SMUG1: variants seen among roughly 807,000 people sequenced by gnomAD.
SMUG1 encodes the protein single-strand-selective monofunctional uracil-DNA glycosylase 1.
In SMUG1, 13 loss-of-function variants were observed where a neutral mutation model predicts 23.9. That is an observed-to-expected ratio of 0.54 (90% confidence interval 0.35 to 0.86). The LOEUF (loss-of-function observed/expected upper bound fraction) is 0.86, where lower values mean the gene tolerates loss of function less well. SMUG1 is among the 40% of genes least tolerant of loss of function. The probability of loss-of-function intolerance (pLI) is 0.01; values close to 1 mark genes in which losing one functional copy is unlikely to be tolerated. For synonymous variants in SMUG1, 133 were observed against 139.8 expected, an observed-to-expected ratio of 0.95 and a Z score of 0.34; for missense variants, 313 against 339.5, an observed-to-expected ratio of 0.92 and a Z score of 0.61.
intron 2 of SMUG1, among the ~76,000 whole-genome samples, chr12:54,174,393 T>C (rs1032643404): frequency 6.6e-6 from 1 of 152,174 alleles, no homozygotes; most frequent in Non-Finnish European, 1.5e-5. Flanking sequence ...TTACAGCAGA[T>C]AGGCTGGAGG....
intron 2 of SMUG1, among the ~76,000 whole-genome samples, chr12:54,186,103 T>C (rs1942388163): frequency 2.6e-5 from 4 of 152,092 alleles, no homozygotes; most frequent in African/African-American, 9.7e-5. Flanking sequence ...TCCAACCAAA[T>C]ACACTCCTGA....
intron 2 of SMUG1, among the ~76,000 whole-genome samples, chr12:54,173,803 C>CTT (rs1940688484): frequency 1.3e-5 from 2 of 150,786 alleles, no homozygotes; most frequent in Non-Finnish European, 3.0e-5. Flanking sequence ...AGTCTGGGCT[C>CTT]CTTCTTCTGT....
intron 3 of SMUG1, 53 bp from the exon 4 acceptor site, chr12:54,182,676 G>T: frequency 6.4e-7 from 1 of 1,554,928 alleles, no homozygotes; most frequent in Non-Finnish European, 8.7e-7. Flanking sequence ...CCTGAGGCCC[G>T]GGCTCTGGAC....
chr12:54,169,740 C>T (rs1940566620), intron 3 of SMUG1, among the ~76,000 whole-genome samples: 1 of 152,250 alleles, frequency 6.6e-6, no homozygotes, highest in Non-Finnish European at 1.5e-5. Context: ...GAGTCCTCCA[C>T]TGCTATTCTG....
downstream of SMUG1, among the ~76,000 whole-genome samples, chr12:54,161,353 G>A (rs1163446585): frequency 1.3e-5 from 2 of 152,166 alleles, no homozygotes; most frequent in African/African-American, 4.8e-5. The surrounding 1 kb of genome is among the most constrained non-coding windows in gnomAD (Gnocchi z 4.2). Context: ...AGAGAGGGAG[G>A]TACAAGGCAG....
At chr12:54,167,345 G>A (rs1353246423) in intron 3 of SMUG1, among the ~76,000 whole-genome samples, 1 of 152,144 alleles carries the variant, frequency 6.6e-6, no homozygotes, top group Non-Finnish European at 1.5e-5. Context: ...AATTACTCTA[G>A]CTCTTTCCCA....
chr12:54,179,940 T>C (rs1344491984), downstream of SMUG1, among the ~76,000 whole-genome samples: 3 of 152,208 alleles, frequency 2.0e-5, no homozygotes, highest in African/African-American at 7.2e-5. Context: ...AGAAACAGGA[T>C]ACCAATGCAC....
At chr12:54,183,378 G>GT (rs1394397753) in intron 3 of SMUG1, 2 of 562,600 alleles carry the variant, frequency 3.6e-6, no homozygotes, top group Non-Finnish European at 6.3e-6. Flanking sequence ...ATCCAGTAAA[G>GT]TAAGGATGGG....
At chr12:54,183,987 A>G in intron 2 of SMUG1, 28 bp from the exon 3 acceptor site, 1 of 1,456,488 alleles carries the variant, frequency 6.9e-7, no homozygotes, top group Non-Finnish European at 9.0e-7. Context: ...CAGAAGCCCC[A>G]TCAACCCTCA....
Position 54,182,224 on chromosome 12 carries a change from T to C in SMUG1, c.685A>G (p.Met229Val). The C allele has an allele frequency of 1.9e-6, 3 of 1,612,174 alleles. No individual in the cohort carries two copies. Among genetic ancestry groups the C allele is most frequent in the Non-Finnish European group, 2.5e-6 (3 of 1,178,672 alleles). ...AGCCCTTCCACCTGGACCTCTGGCA[T>C]CAGGCCTGCCAGAGCCCGTCGTGCC... The part of the protein sequence containing the change: ...QRARRALAGL[M>V]PEVQVEGLLH... Residue 229 changes from methionine (M) to valine (V), a missense_variant, in exon 4 of 4, where the codon ATG (methionine) becomes GTG (valine). Coordinates refer to ENST00000682136, the MANE Select transcript of SMUG1 (RefSeq NM_001243787.2).
chr12:54,185,305 CA>C (rs759445921), intron 2 of SMUG1, among the ~76,000 whole-genome samples: 69 of 137,548 alleles, frequency 5.0e-4, no homozygotes, highest in Middle Eastern at 3.9e-3. Flanking sequence ...AACTCTCTCT[CA>C]AAAAAAAAAA....
chr12:54,179,937 G>A (rs1940853173), downstream of SMUG1, among the ~76,000 whole-genome samples: 1 of 152,196 alleles, frequency 6.6e-6, no homozygotes, highest in African/African-American at 2.4e-5. Context: ...CATAGAAACA[G>A]GATACCAATG....
chr12:54,172,214 C>A, intron 2 of SMUG1: 1 of 418,966 alleles, frequency 2.4e-6, no homozygotes, highest in Non-Finnish European at 5.1e-6. Flanking sequence ...TTAGTTTCTA[C>A]GTGATGTGGC....
intron 3 of SMUG1, among the ~76,000 whole-genome samples, chr12:54,167,721 C>T (rs1437782957): frequency 6.6e-6 from 1 of 152,234 alleles, no homozygotes. Flanking sequence ...ACCCCAGCTA[C>T]TGGTCCCTTT....
downstream of SMUG1, among the ~76,000 whole-genome samples, chr12:54,176,018 G>C (rs995783980): frequency 4.6e-5 from 7 of 152,036 alleles, no homozygotes; most frequent in East Asian, 1.9e-4. Flanking sequence ...CCTGAGGTCA[G>C]GAGTTCAAGA....
At chr12:54,164,290 A>C (rs1481072864), downstream of SMUG1, 1 of 152,456 alleles carries the variant, frequency 6.6e-6, no homozygotes, top group Non-Finnish European at 1.5e-5. Flanking sequence ...GGTATAAATG[A>C]GCAGAGCCTC....
chr12:54,188,266 GAAATAATAATAATAATAATAATAATAAT>G (rs200945519), intron 1 of SMUG1, among the ~76,000 whole-genome samples: 26,051 of 101,856 alleles, frequency 0.26, 2,521 homozygotes, highest in South Asian at 0.32. Flanking sequence ...ATCCTTAAAC[GAAATAATAATAATAATAATAATAATAAT>G]AAATAATAAT....
At chr12:54,175,044 G>C (rs1427471397) in intron 2 of SMUG1, 2 of 152,208 alleles carry the variant, frequency 1.3e-5, no homozygotes, top group African/African-American at 4.8e-5. Context: ...TCACAGCTGG[G>C]AAGTTTATCC....
At position 54,181,503 on chromosome 12, in the gene SMUG1, C is replaced by A; in HGVS notation, c.*593G>T. On this transcript the variant is annotated 3_prime_UTR_variant, in exon 4 of 4. Transcript: ENST00000682136. Reference sequence around the variant, plus strand: ...TAGAGAGGTTTATTAATTTGTCAATCAAAAAGTTCCAAGTTTCAAAGCTGG... The same window carrying A: ...TAGAGAGGTTTATTAATTTGTCAATAAAAAAGTTCCAAGTTTCAAAGCTGG... 1 of 1,504,686 alleles carries A rather than the reference C, an allele frequency of 6.6e-7. No homozygotes were observed. The allele number at this position is 1,504,686 out of a possible 1,614,324, so 93.2% of individuals were successfully genotyped here. A position where few individuals can be genotyped will look rare whatever the true frequency, so the allele number is the denominator to read the frequency against.
Sources: allele counts gnomAD v4.1 joint callset (sites outside exome capture counted in the v4.1 genomes callset), GRCh38; gene constraint gnomAD v4.1.1; non-coding constraint Gnocchi (gnomAD v3.1); transcripts MANE v1.5; gene names NCBI Gene and HGNC (gene_info 2026-07-23, HGNC 2026-07-21).